MYO3A: variants seen among roughly 807,000 people sequenced by gnomAD.
MYO3A encodes myosin-IIIa.
A neutral mutation model predicts 192.7 loss-of-function variants in MYO3A; 180 were observed. The observed-to-expected ratio is 0.93, with a 90% CI of 0.83 to 1.06. The LOEUF is 1.06. Ranked by LOEUF, MYO3A falls within the 50% of genes least tolerant of loss-of-function variation. MYO3A has a pLI of 0.00. For missense variants in MYO3A, 1,896 were observed against 1,905.0 expected (o/e 1.00, Z 0.09); for synonymous variants, 628 against 645.3 (o/e 0.97, Z 0.41).
chr10:26,021,970 G>GT (rs1842331250), intron 8 of MYO3A: 1 of 281,820 alleles, frequency 3.5e-6, no homozygotes, highest in African/African-American at 2.2e-5. Flanking sequence ...TCCATAGCCT[G>GT]TGCAAGTGTT....
intron 4 of MYO3A, among the ~76,000 whole-genome samples, chr10:25,988,559 A>G (rs1442069722): frequency 6.6e-6 from 1 of 152,176 alleles, no homozygotes; most frequent in Non-Finnish European, 1.5e-5. Flanking sequence ...TATAACCCAT[A>G]GGATTCAGCA....
intron 2 of MYO3A, among the ~76,000 whole-genome samples, chr10:25,943,037 C>CTT (rs1836602033): frequency 1.3e-5 from 2 of 151,718 alleles, no homozygotes; most frequent in African/African-American, 4.8e-5. Context: ...TTTCATGAAG[C>CTT]TTTTCCCTTA....
At chr10:26,152,663 G>C (rs1204682413) in intron 23 of MYO3A, among the ~76,000 whole-genome samples, 1 of 152,158 alleles carries the variant, frequency 6.6e-6, no homozygotes. Flanking sequence ...AGTTCCCGTT[G>C]ATCTACATAA....
chr10:26,170,536 C>A lies in MYO3A; in HGVS notation c.3395C>A (p.Thr1132Lys). Residue 1132 changes from threonine (T) to lysine (K), a missense_variant, in exon 29 of 35, where the codon ACA becomes AAA. Thr to Lys is a moderately conservative substitution (Grantham distance 78). Coordinates refer to ENST00000642920, the MANE Select transcript of MYO3A (RefSeq NM_017433.5). ...EFDYKKNFEN[T>K]RESFVKKQAE... ...GACTACAAGAAAAACTTTGAAAATA[C>A]AAGGTATAATGATGTTCATTCTTAT... 1 of 1,609,890 alleles carries A rather than the reference C, an allele frequency of 6.2e-7. No individual in the cohort carries two copies. The highest frequency in any genetic ancestry group is 8.5e-7 in the Non-Finnish European group (1 of 1,177,776).
intron 17 of MYO3A, among the ~76,000 whole-genome samples, chr10:26,104,304 T>A (rs1388010265): frequency 6.6e-6 from 1 of 152,172 alleles, no homozygotes; most frequent in Non-Finnish European, 1.5e-5. Context: ...AGCTTTCTTC[T>A]TATAGTTGTA....
chr10:26,036,848 A>G (rs1843066677), intron 10 of MYO3A, among the ~76,000 whole-genome samples: 1 of 152,104 alleles, frequency 6.6e-6, no homozygotes, highest in Admixed American at 6.5e-5. Context: ...ACCCACCTTC[A>G]TTCTGTTCTT....
At chr10:26,100,890 G>A (rs1254722394) in intron 17 of MYO3A, among the ~76,000 whole-genome samples, 2 of 152,164 alleles carry the variant, frequency 1.3e-5, no homozygotes, top group African/African-American at 4.8e-5. Flanking sequence ...GGGGTGGAGA[G>A]TTCTGTAGAT....
chr10:26,124,006 A>G (rs1305204247), intron 18 of MYO3A, among the ~76,000 whole-genome samples: 1 of 151,400 alleles, frequency 6.6e-6, no homozygotes, highest in East Asian at 2.0e-4. Flanking sequence ...CAACATGGCG[A>G]AACACTATCT....
intron 10 of MYO3A, among the ~76,000 whole-genome samples, chr10:26,055,838 T>C (rs1418287340): frequency 2.6e-5 from 4 of 152,210 alleles, no homozygotes; most frequent in Non-Finnish European, 5.9e-5. Context: ...CCTAATCATA[T>C]AACTATAGAA....
chr10:26,005,681 G>T (rs1841153359), intron 6 of MYO3A, among the ~76,000 whole-genome samples: 1 of 151,990 alleles, frequency 6.6e-6, no homozygotes. Context: ...GAAATTATGT[G>T]TATATGTGTA....
intron 15 of MYO3A, among the ~76,000 whole-genome samples, chr10:26,095,473 C>T (rs759590273): frequency 8.6e-5 from 13 of 152,014 alleles, no homozygotes; most frequent in Non-Finnish European, 1.8e-4. Context: ...GACCACTAGG[C>T]TCATCAAGAG....
intron 10 of MYO3A, 75 bp from the exon 11 acceptor site, chr10:26,066,900 A>G: frequency 1.1e-6 from 1 of 913,628 alleles, no homozygotes; most frequent in Non-Finnish European, 1.8e-6. Context: ...GATTTTCAGT[A>G]TCATATGTAT....
intron 10 of MYO3A, among the ~76,000 whole-genome samples, chr10:26,048,262 G>GA (rs1387009470): frequency 6.6e-6 from 1 of 151,264 alleles, no homozygotes; most frequent in Non-Finnish European, 1.5e-5. Flanking sequence ...TCTAATCTCT[G>GA]AAAAAAAGTA....
intron 23 of MYO3A, among the ~76,000 whole-genome samples, chr10:26,148,270 T>TC (rs1463614800): frequency 6.6e-6 from 1 of 152,176 alleles, no homozygotes; most frequent in Non-Finnish European, 1.5e-5. Flanking sequence ...GATTGTTCTT[T>TC]CCCCATTGAA....
In MYO3A at chr10:26,012,740, A is replaced by G. The variant is rs568322738; in HGVS notation, c.509-4080A>G. Among the ~76,000 whole-genome samples, 152 of 152,288 alleles carry G rather than the reference A, an allele frequency of 1.0e-3. 1 individual carries two copies. The highest frequency in any genetic ancestry group is 1.7e-3 in the Non-Finnish European group (115 of 67,994). On this transcript the variant is annotated intron_variant, in intron 6 of 34. Transcript: ENST00000642920. ...TTTTTCACAGAATTAGAAAAAAATGATTCTAAAATTAATATGGAACCCAAA... is the reference window on the plus strand; with the variant it reads ...TTTTTCACAGAATTAGAAAAAAATGGTTCTAAAATTAATATGGAACCCAAA...
intron 7 of MYO3A, among the ~76,000 whole-genome samples, chr10:26,019,359 C>T (rs948950812): frequency 3.3e-5 from 5 of 151,982 alleles, no homozygotes; most frequent in African/African-American, 7.2e-5. Context: ...CCTGGGTTCA[C>T]GCCATTCTCC....
chr10:25,944,372 C>T (rs1372618142), intron 2 of MYO3A, among the ~76,000 whole-genome samples: 1 of 151,830 alleles, frequency 6.6e-6, no homozygotes, highest in African/African-American at 2.4e-5. Context: ...TCTTGTAGTG[C>T]CATTGTCTGG....
chr10:26,014,133 G>C (rs749468110), intron 6 of MYO3A, among the ~76,000 whole-genome samples: 1 of 151,970 alleles, frequency 6.6e-6, no homozygotes, highest in Non-Finnish European at 1.5e-5. Context: ...GAGAGTGAGC[G>C]GGAGTGGGGC....
At chr10:26,132,262 A>G (rs1461404186) in intron 20 of MYO3A, among the ~76,000 whole-genome samples, 1 of 152,220 alleles carries the variant, frequency 6.6e-6, no homozygotes, top group African/African-American at 2.4e-5. Flanking sequence ...GGAATCACCT[A>G]TCTCATATTA....
Sources: allele counts gnomAD v4.1 joint callset (sites outside exome capture counted in the v4.1 genomes callset), GRCh38; gene constraint gnomAD v4.1.1; transcripts MANE v1.5; gene names NCBI Gene and HGNC (gene_info 2026-07-23, HGNC 2026-07-21).